Variants in HEATR5A observed in about 807,000 individuals in gnomAD.
The protein encoded by HEATR5A is HEAT repeat containing 5A, also known as HEAT repeat-containing protein 5A.
A neutral mutation model predicts 218.8 loss-of-function variants in HEATR5A; 178 were observed. That is an observed-to-expected ratio of 0.81 (90% confidence interval 0.72 to 0.92). The LOEUF (loss-of-function observed/expected upper bound fraction) is 0.92, where lower values mean the gene tolerates loss of function less well. Ranked by LOEUF, HEATR5A falls within the 40% of genes least tolerant of loss-of-function variation. HEATR5A has a pLI of 0.00. For synonymous variants in HEATR5A, 864 were observed against 871.6 expected (o/e 0.99, Z 0.15); for missense variants, 2,420 against 2,418.9 (o/e 1.00, Z -0.01).
At chr14:31,331,932 G>A (rs8007156) in intron 22 of HEATR5A, among the ~76,000 whole-genome samples, 2,254 of 152,170 alleles carry the variant, frequency 0.015, 49 homozygotes, top group African/African-American at 0.051. Flanking sequence ...CAACACCTGG[G>A]GATTGTAATT....
At chr14:31,353,808 G>GA (rs1901316964) in intron 16 of HEATR5A, among the ~76,000 whole-genome samples, 1 of 135,292 alleles carries the variant, frequency 7.4e-6, no homozygotes, top group Admixed American at 7.3e-5. Flanking sequence ...GGCATTTTTT[G>GA]TTTTTTTTTG....
rs372554268 is a variant in HEATR5A, at chr14:31,371,826, C to T, written c.1945G>A (p.Val649Met). Residue 649 changes from valine (V) to methionine (M), a missense_variant, in exon 13 of 36, where the codon GTG (valine) becomes ATG (methionine). Coordinates refer to ENST00000543095, the MANE Select transcript of HEATR5A (RefSeq NM_015473.4). ...GATGCTTACTGAGTTAGCAAATCCA[C>T]AGCACAAGGAAGTGGTGGAAGAAGA... ...QRLLPPLPCA[V>M]DLLTQLSSIL... is the part of the protein sequence containing the mutation. 6.6e-7 allele frequency: 1 copy of T among 1,526,584 alleles called. No homozygotes were observed. Among genetic ancestry groups the T allele is most frequent in the Non-Finnish European group, 8.9e-7 (1 of 1,129,196 alleles). The allele number at this position is 1,526,584 out of a possible 1,614,324, so 94.6% of individuals were successfully genotyped here.
At chr14:31,403,777 A>G (rs1028318260) in intron 1 of HEATR5A, among the ~76,000 whole-genome samples, 2 of 152,338 alleles carry the variant, frequency 1.3e-5, no homozygotes, top group Middle Eastern at 3.4e-3. Context: ...TTGTAAAATT[A>G]TTGTTTTATT....
At position 31,399,384 on chromosome 14, in the gene HEATR5A, A is replaced by T. The variant is rs146930708; in HGVS notation, c.339-603T>A. Among the ~76,000 whole-genome samples, 1,500 of 152,358 alleles carry T rather than the reference A, an allele frequency of 9.8e-3. 19 individuals carry two copies. The highest frequency in any genetic ancestry group is 0.034 in the African/African-American group (1,424 of 41,584). On this transcript the variant is annotated intron_variant, in intron 3 of 35. Coordinates refer to ENST00000543095, the MANE Select transcript of HEATR5A (RefSeq NM_015473.4). ...AAATTCTACAAAATATTTCAACAGA[A>T]CTCAGCTACATATTAGATAACAAAA...
At chr14:31,352,488 C>G (rs1901267015) in intron 16 of HEATR5A, among the ~76,000 whole-genome samples, 1 of 152,140 alleles carries the variant, frequency 6.6e-6, no homozygotes, top group Non-Finnish European at 1.5e-5. Flanking sequence ...TCTGCTGAGG[C>G]TACAAGGCAA....
chr14:31,342,401 T>C (rs1349211290), intron 21 of HEATR5A, among the ~76,000 whole-genome samples: 1 of 152,042 alleles, frequency 6.6e-6, no homozygotes, highest in Admixed American at 6.6e-5. Context: ...AATAAATAAA[T>C]AGTTTTATAT....
intron 11 of HEATR5A, among the ~76,000 whole-genome samples, chr14:31,377,964 T>C (rs984512438): frequency 2.6e-5 from 4 of 152,212 alleles, no homozygotes; most frequent in Admixed American, 1.3e-4. Context: ...AAAGGACTTC[T>C]TGTTGTCTTC....
intron 27 of HEATR5A, among the ~76,000 whole-genome samples, chr14:31,313,732 G>A (rs1899830243): frequency 6.6e-6 from 1 of 152,052 alleles, no homozygotes; most frequent in African/African-American, 2.4e-5. Context: ...CTAATCTGGT[G>A]GAAAACTGAT....
Position 31,323,820 on chromosome 14 carries a change from A to G in HEATR5A, c.3548-16T>C, listed in dbSNP as rs1900180550. On this transcript the variant is annotated splice_polypyrimidine_tract_variant and intron_variant, in intron 23 of 35. Coordinates refer to ENST00000543095, the MANE Select transcript of HEATR5A (RefSeq NM_015473.4). Reference sequence around the variant, plus strand: ...GCTGTAAAATCTTTTATTAAAGGAGAACATATGTAATTATAATCAACTGAA... The same window carrying G: ...GCTGTAAAATCTTTTATTAAAGGAGGACATATGTAATTATAATCAACTGAA... 1.3e-6 allele frequency: 2 copies of G among 1,511,678 alleles called. No homozygotes were observed. The highest frequency in any genetic ancestry group is 2.8e-5 in the African/African-American group (2 of 70,588). The allele number at this position is 1,511,678 out of a possible 1,614,324, so 93.6% of individuals were successfully genotyped here.
chr14:31,320,277 C>A, intron 25 of HEATR5A: 1 of 713,796 alleles, frequency 1.4e-6, no homozygotes, highest in Non-Finnish European at 2.6e-6. Context: ...AGCCCCATGG[C>A]CTCAGACAGG....
chr14:31,327,067 C>A (rs759991575), intron 22 of HEATR5A, among the ~76,000 whole-genome samples: 1 of 151,188 alleles, frequency 6.6e-6, no homozygotes, highest in Non-Finnish European at 1.5e-5. Context: ...CTCTGCCTCC[C>A]GGGTTGAATT....
intron 22 of HEATR5A, among the ~76,000 whole-genome samples, chr14:31,334,923 GT>G (rs1255163868): frequency 1.4e-5 from 2 of 142,868 alleles, no homozygotes; most frequent in Non-Finnish European, 3.0e-5. Context: ...TTCAGCCTGG[GT>G]GACAGAGCAA....
chr14:31,296,077 C>T lies in HEATR5A; in HGVS notation c.5465-14G>A, dbSNP rs755034675. On this transcript the variant is annotated splice_polypyrimidine_tract_variant and intron_variant, in intron 33 of 35. Transcript: ENST00000543095. ...GTGTTTCATCAACTAAAGAGAAATG[C>T]TCTATTAGAAACAGTTCATATTTAC... 6 of 1,609,528 alleles carry T rather than the reference C, an allele frequency of 3.7e-6. No homozygotes were observed. Among genetic ancestry groups the T allele is most frequent in the East Asian group, 4.5e-5 (2 of 44,778 alleles).
In HEATR5A at chr14:31,293,408, A is replaced by G; in HGVS notation, c.6038T>C (p.Ile2013Thr). Reference sequence around the variant, plus strand: ...TTTGACACTTTCCTGATTGCCCTTTATAGCAGCCTCAAGGCGGGCTTTTAG... The same window carrying G: ...TTTGACACTTTCCTGATTGCCCTTTGTAGCAGCCTCAAGGCGGGCTTTTAG... The part of the protein sequence containing the change: ...PALKARLEAA[I>T]KGNQESVKVK... The change falls in exon 36 of 36, where the codon ATA becomes ACA. Residue 2013 changes from isoleucine to threonine, a missense_variant. By Grantham distance (89) the Ile-to-Thr change is moderately conservative. Transcript: ENST00000543095. 6.2e-7 allele frequency: 1 copy of G among 1,613,936 alleles called. No individual in the cohort carries two copies. Among genetic ancestry groups the G allele is most frequent in the African/African-American group, 1.3e-5 (1 of 75,044 alleles).
intron 10 of HEATR5A, among the ~76,000 whole-genome samples, chr14:31,382,600 A>G (rs760799813): frequency 9.2e-5 from 14 of 151,970 alleles, no homozygotes; most frequent in Non-Finnish European, 2.1e-4. Flanking sequence ...GGTTTCATTA[A>G]AATTTTTCTT....
In HEATR5A at chr14:31,358,889, C is replaced by A. The variant is rs755056026; in HGVS notation, c.2235+5G>T. On this transcript the variant is annotated splice_donor_5th_base_variant and intron_variant, in intron 15 of 35. Coordinates refer to ENST00000543095, the MANE Select transcript of HEATR5A (RefSeq NM_015473.4). ...AATCTAATCAAGAGTAAAAAATGGC[C>A]ATACCTGTTCTTCAATAAATCTATG... 357 of 1,596,706 alleles carry A rather than the reference C, an allele frequency of 2.2e-4. No homozygotes were observed. Among genetic ancestry groups the A allele is most frequent in the Non-Finnish European group, 2.9e-4 (341 of 1,173,602 alleles).
Position 31,292,601 on chromosome 14 carries a change from T to A in HEATR5A, c.*704A>T, listed in dbSNP as rs1899059281. 6.6e-6 allele frequency: 1 copy of A among 151,662 alleles called. No individual in the cohort carries two copies. The highest frequency in any genetic ancestry group is 2.1e-4 in the South Asian group (1 of 4,800). 9.4% of individuals were successfully genotyped at this position (151,662 alleles called of 1,614,324 possible). Reference sequence around the variant, plus strand: ...AGGCAGAATTTTTTTTTTTTTTTTTTAGATGGAGTCTCACTCTGTCGCCCA... The same window carrying A: ...AGGCAGAATTTTTTTTTTTTTTTTTAAGATGGAGTCTCACTCTGTCGCCCA... On this transcript the variant is annotated 3_prime_UTR_variant, in exon 36 of 36. Transcript: ENST00000543095.
intron 28 of HEATR5A, 53 bp from the exon 29 acceptor site, chr14:31,309,235 T>A: frequency 6.3e-7 from 1 of 1,578,408 alleles, no homozygotes; most frequent in Non-Finnish European, 8.6e-7. Context: ...ATATATTTTC[T>A]CTTTTTTCTG....
chr14:31,293,338 GT>G lies in HEATR5A; in HGVS notation c.6107del (p.Asn2036ThrfsTer6), dbSNP rs780535466. 485 of 1,595,584 alleles carry G rather than the reference GT, an allele frequency of 3.0e-4. No individual in the cohort carries two copies. The highest frequency in any genetic ancestry group is 3.1e-4 in the Non-Finnish European group (363 of 1,174,644). ...TSKYTKSPGK[N>X]SSIQLKTSFL Reference sequence around the variant, plus strand: ...AACTGGTCTTTAATTGGATGCTTGAGTTTTTTCCAGGACTCTTAGTATATTT... The same window carrying G: ...AACTGGTCTTTAATTGGATGCTTGAGTTTTTCCAGGACTCTTAGTATATTT... On this transcript the variant is annotated frameshift_variant, in exon 36 of 36. Coordinates refer to ENST00000543095, the MANE Select transcript of HEATR5A (RefSeq NM_015473.4). LOFTEE classifies it high-confidence loss of function.
Sources: gnomAD v4.1 joint callset for allele counts (sites outside exome capture counted in the v4.1 genomes callset) on GRCh38, gnomAD v4.1.1 for gene constraint, MANE v1.5 for transcripts, NCBI Gene and HGNC (gene_info 2026-07-23, HGNC 2026-07-21) for gene names.